The following CPXM2 variants were observed in gnomAD, a reference collection of about 807,000 sequenced individuals.
CPXM2 encodes carboxypeptidase X, M14 family member 2.
In CPXM2, 66 loss-of-function variants were observed where a neutral mutation model predicts 86.1. The observed-to-expected ratio is 0.77, with a 90% CI of 0.63 to 0.94. The LOEUF (loss-of-function observed/expected upper bound fraction) is 0.94. Among genes scored for constraint, CPXM2 ranks in the 40% least tolerant of loss-of-function variants. The pLI is 0.00. For synonymous variants in CPXM2, 388 were observed against 400.2 expected (o/e 0.97, Z 0.36); for missense variants, 948 against 1,026.3 (o/e 0.92, Z 1.04).
intron 3 of CPXM2, chr10:123,843,193 C>T: frequency 7.2e-6 from 3 of 416,060 alleles, no homozygotes; most frequent in South Asian, 5.3e-5. Flanking sequence ...TTTAAATGAC[C>T]CTCCCTCCTC....
At position 123,746,574 on chromosome 10, in the gene CPXM2, T is replaced by C; in HGVS notation, c.*190A>G. On this transcript the variant is annotated 3_prime_UTR_variant, in exon 14 of 14. Coordinates refer to ENST00000241305, the MANE Select transcript of CPXM2 (RefSeq NM_198148.3). The stretch of plus-strand genomic sequence containing the variant: ...GCTCTGTCCAAGTTATTTGGATAAA[T>C]GGGAACAAAGAAAAGAAAACAGCCT... 1 of 626,276 alleles carries C rather than the reference T, an allele frequency of 1.6e-6. No individual in the cohort carries two copies. The highest frequency in any genetic ancestry group is 2.8e-6 in the Non-Finnish European group (1 of 361,688). The allele number at this position is 626,276 out of a possible 1,614,324, so 38.8% of individuals were successfully genotyped here.
At chr10:123,747,463 G>A (rs968965505) in intron 13 of CPXM2, among the ~76,000 whole-genome samples, 1 of 152,216 alleles carries the variant, frequency 6.6e-6, no homozygotes, top group Non-Finnish European at 1.5e-5. Flanking sequence ...CTTCTGGAAA[G>A]AGAAGGAAAG....
At chr10:123,913,050 T>A (rs1239474533) in intron 2 of CPXM2, among the ~76,000 whole-genome samples, 1 of 152,236 alleles carries the variant, frequency 6.6e-6, no homozygotes, top group Non-Finnish European at 1.5e-5. Flanking sequence ...GGGCTCTAAA[T>A]CTGCATAGTA....
At chr10:123,849,983 T>C (rs1366711594) in intron 3 of CPXM2, among the ~76,000 whole-genome samples, 1 of 152,186 alleles carries the variant, frequency 6.6e-6, no homozygotes, top group Non-Finnish European at 1.5e-5. Context: ...TTCTATCTCC[T>C]CAGGTTGGTT....
At chr10:123,880,653 C>T (rs942300511) in intron 1 of CPXM2, among the ~76,000 whole-genome samples, 2 of 151,890 alleles carry the variant, frequency 1.3e-5, no homozygotes, top group South Asian at 2.1e-4. Context: ...CACGGTGAAA[C>T]CCTGTCTCTA....
Position 123,891,665 on chromosome 10 carries a change from C to T in CPXM2, c.-6G>A. On this transcript the variant is annotated 5_prime_UTR_variant, in exon 1 of 14. Coordinates refer to ENST00000241305, the MANE Select transcript of CPXM2 (RefSeq NM_198148.3). The surrounding 1 kb of genome is among the most constrained non-coding windows in gnomAD (Gnocchi z 5.6). ...GCGGTCCCCGGGCGGGACATGCCTG[C>T]TCCGCCCCGCGCCCAGGGCAGGGTC... is the stretch of plus-strand genomic sequence containing the variant. The T allele has an allele frequency of 7.2e-7, 1 of 1,388,112 alleles. No homozygotes were observed. Among genetic ancestry groups the T allele is most frequent in the Non-Finnish European group, 9.3e-7 (1 of 1,072,444 alleles). The allele number at this position is 1,388,112 out of a possible 1,614,324, so 86.0% of individuals were successfully genotyped here. A position where few individuals can be genotyped will look rare whatever the true frequency, so the allele number is the denominator to read the frequency against.
At chr10:123,938,095 T>C (rs908895466) in intron 2 of CPXM2, among the ~76,000 whole-genome samples, 11 of 152,048 alleles carry the variant, frequency 7.2e-5, no homozygotes, top group Admixed American at 2.0e-4. Context: ...TTTCTGACTC[T>C]CTCTTTATGT....
intron 4 of CPXM2, among the ~76,000 whole-genome samples, chr10:123,804,012 A>G (rs115043934): frequency 0.019 from 2,908 of 152,242 alleles, 92 homozygotes; most frequent in African/African-American, 0.062. Context: ...AACCATTTAT[A>G]TGGTTATTTT....
Position 123,770,978 on chromosome 10 carries a change from C to T in CPXM2, c.1040G>A (p.Ser347Asn), listed in dbSNP as rs1846616020. 1 of 1,614,024 alleles carries T rather than the reference C, an allele frequency of 6.2e-7. No homozygotes were observed. Among genetic ancestry groups the T allele is most frequent in the African/African-American group, 1.3e-5 (1 of 75,048 alleles). ...NITRIYNIGK[S>N]HQGLKLYAVE... The stretch of plus-strand genomic sequence containing the variant: ...AGCATACAGCTTCAGGCCCTGGTGG[C>T]TTTTTCCAATGTTGTAAATTCTGGT... The change falls in exon 8 of 14, where the codon AGC becomes AAC. Residue 347 changes from serine to asparagine, a missense_variant. Coordinates refer to ENST00000241305, the MANE Select transcript of CPXM2 (RefSeq NM_198148.3).
intron 2 of CPXM2, 66 bp downstream of exon 2, chr10:123,880,145 T>TTGGGGGGCC: frequency 7.4e-6 from 3 of 407,578 alleles, no homozygotes; most frequent in Admixed American, 3.3e-5. Flanking sequence ...CAGGGGCCTG[T>TTGGGGGGCC]ACCCACCCAC....
At position 123,767,039 on chromosome 10, in the gene CPXM2, A is replaced by G. The variant is rs1321419079; in HGVS notation, c.1413T>C (p.Asn471=). 8 of 1,614,080 alleles carry G rather than the reference A, an allele frequency of 5.0e-6. No individual in the cohort carries two copies. Among genetic ancestry groups the G allele is most frequent in the Non-Finnish European group, 6.8e-6 (8 of 1,180,038 alleles). ...TLLWEAEDRQ[N]VPRKVPNHYI... ...AGTGATTGGGAACTTTCCTGGGGAC[A>G]TTCTGTCGATCCTCTGCCTCCCAGA... is the stretch of plus-strand genomic sequence containing the variant. Residue 471 remains asparagine (N), a synonymous_variant, in exon 10 of 14, where the codon AAT becomes AAC. Transcript: ENST00000241305.
intron 8 of CPXM2, among the ~76,000 whole-genome samples, chr10:123,770,126 T>A (rs567657778): frequency 8.7e-4 from 132 of 152,150 alleles, no homozygotes; most frequent in African/African-American, 2.9e-3. Context: ...ATACAAAAAT[T>A]AGCTGGGTAT....
intron 3 of CPXM2, among the ~76,000 whole-genome samples, chr10:123,860,867 A>G (rs1848835852): frequency 1.3e-5 from 2 of 152,214 alleles, no homozygotes; most frequent in South Asian, 4.1e-4. Context: ...TTCTTTTTTT[A>G]TACGAGTATT....
At chr10:123,813,527 C>A (rs1385962490) in intron 4 of CPXM2, among the ~76,000 whole-genome samples, 1 of 152,174 alleles carries the variant, frequency 6.6e-6, no homozygotes, top group African/African-American at 2.4e-5. Context: ...GCACATGATG[C>A]GTAGTAATTG....
upstream of CPXM2, among the ~76,000 whole-genome samples, chr10:123,895,112 CTTTTTTTTCTT>C (rs1945325094): frequency 3.6e-5 from 4 of 111,736 alleles, no homozygotes; most frequent in East Asian, 6.3e-4. Flanking sequence ...TTTTTTTTTT[CTTTTTTTTCTT>C]TTTTTTTTTT....
rs530851660 is a variant in CPXM2, at chr10:123,870,778, C to T, written c.404-8055G>A. Among the ~76,000 whole-genome samples the T allele has an allele frequency of 2.0e-5, 3 of 152,302 alleles. No homozygotes were observed. The East Asian group carries it at 5.8e-4, about 29-fold the overall frequency. On this transcript the variant is annotated intron_variant, in intron 2 of 13. Coordinates refer to ENST00000241305, the MANE Select transcript of CPXM2 (RefSeq NM_198148.3). The stretch of plus-strand genomic sequence containing the variant: ...GAGAGCAGCTCTCACCCCAACTGAG[C>T]ATCACAATCTCCCAGGAAACTTAAA...
chr10:123,915,054 C>T (rs556288545), intron 2 of CPXM2, among the ~76,000 whole-genome samples: 53 of 152,348 alleles, frequency 3.5e-4, no homozygotes, highest in Admixed American at 3.1e-3. Flanking sequence ...CCTCCCCTCC[C>T]GCGGCTCCTC....
At position 123,800,974 on chromosome 10, in the gene CPXM2, A is replaced by T. The variant is rs376481519; in HGVS notation, c.654-1775T>A. Among the ~76,000 whole-genome samples, 246 of 152,190 alleles carry T rather than the reference A, an allele frequency of 1.6e-3. 1 individual carries two copies. Among genetic ancestry groups the T allele is most frequent in the African/African-American group, 5.6e-3 (233 of 41,522 alleles). On this transcript the variant is annotated intron_variant, in intron 4 of 13. Coordinates refer to ENST00000241305, the MANE Select transcript of CPXM2 (RefSeq NM_198148.3). ...AACTGATTCACGCCTTCCGCTCTAC[A>T]CTCTGACGTGACAGTCCACCAGAGG...
At chr10:123,765,269 C>G (rs1017442757) in intron 10 of CPXM2, among the ~76,000 whole-genome samples, 3 of 152,196 alleles carry the variant, frequency 2.0e-5, no homozygotes, top group Non-Finnish European at 4.4e-5. Context: ...AAATCTTTAT[C>G]TTTGCTGATT....
Sources: gnomAD v4.1 joint callset for allele counts (sites outside exome capture counted in the v4.1 genomes callset) on GRCh38, gnomAD v4.1.1 for gene constraint, Gnocchi (gnomAD v3.1) non-coding constraint, MANE v1.5 for transcripts, NCBI Gene and HGNC (gene_info 2026-07-23, HGNC 2026-07-21) for gene names.